Variants in ME1 observed in about 807,000 individuals in gnomAD.
ME1 encodes the protein malic enzyme 1.
In ME1, 74 loss-of-function variants were observed where a neutral mutation model predicts 66.4. The observed-to-expected ratio is 1.11, with a 90% CI of 0.92 to 1.35. The LOEUF is 1.35. ME1 is among the 40% of genes most tolerant of loss of function. ME1 has a pLI of 0.00. For synonymous variants in ME1, 251 were observed against 235.6 expected (o/e 1.07, Z -0.60); for missense variants, 750 against 694.1 (o/e 1.08, Z -0.90).
rs1289180587 is a variant in ME1, at chr6:83,237,393, G to T, written c.1026+324C>A. Among the ~76,000 whole-genome samples, 11 of 128,700 alleles carry T rather than the reference G, an allele frequency of 8.5e-5. 2 individuals are homozygous for T. The highest frequency in any genetic ancestry group is 8.0e-5 in the Non-Finnish European group (5 of 62,326). 84.4% of individuals were successfully genotyped at this position (128,700 alleles called of 152,430 possible). ...AAAGAAAAGGAAGGAAAGGAAGGAA[G>T]GAAGGAAAGAAAGAAAAAGAAAGAA... On this transcript the variant is annotated intron_variant, in intron 9 of 13. Coordinates refer to ENST00000369705, the MANE Select transcript of ME1 (RefSeq NM_002395.6).
chr6:83,235,477 T>TTTC (rs1332000430), intron 9 of ME1, among the ~76,000 whole-genome samples: 1 of 149,628 alleles, frequency 6.7e-6, no homozygotes. Flanking sequence ...GCTATTTTTT[T>TTTC]TTTTTTTTTT....
At chr6:83,399,350 C>T (rs1385099720) in intron 2 of ME1, among the ~76,000 whole-genome samples, 1 of 152,090 alleles carries the variant, frequency 6.6e-6, no homozygotes, top group Non-Finnish European at 1.5e-5. Context: ...TAACTAATAT[C>T]ATGCAAACAT....
chr6:83,345,916 T>G (rs995708239), intron 5 of ME1, among the ~76,000 whole-genome samples: 3 of 152,208 alleles, frequency 2.0e-5, no homozygotes, highest in Admixed American at 1.3e-4. Flanking sequence ...ATATATTCTA[T>G]AGAATAATGG....
intron 2 of ME1, among the ~76,000 whole-genome samples, chr6:83,404,983 T>C (rs992619612): frequency 7.0e-4 from 106 of 152,318 alleles, no homozygotes; most frequent in African/African-American, 2.5e-3. Context: ...TTTTCTTGGC[T>C]ATGCAGGCTC....
chr6:83,319,482 G>A (rs1324424305), intron 5 of ME1, among the ~76,000 whole-genome samples: 2 of 152,014 alleles, frequency 1.3e-5, no homozygotes, highest in East Asian at 1.9e-4. Context: ...TAACAGAGAA[G>A]GCCTAAAGAG....
At chr6:83,266,375 A>T (rs1198101795) in intron 6 of ME1, among the ~76,000 whole-genome samples, 24 of 152,242 alleles carry the variant, frequency 1.6e-4, no homozygotes. Flanking sequence ...AATGTAAAGT[A>T]CAAATCTAGC....
At chr6:83,253,772 T>C in intron 6 of ME1, 34 bp from the exon 7 acceptor site, 1 of 1,045,880 alleles carries the variant, frequency 9.6e-7, no homozygotes. Flanking sequence ...TAGAAGAGGT[T>C]AATAAAATGC....
intron 3 of ME1, among the ~76,000 whole-genome samples, chr6:83,373,187 A>G (rs1048769019): frequency 2.0e-5 from 3 of 152,158 alleles, no homozygotes; most frequent in African/African-American, 7.2e-5. Flanking sequence ...ATCTTTGTCC[A>G]AAGGCCAAAT....
intron 3 of ME1, among the ~76,000 whole-genome samples, chr6:83,370,053 A>G (rs1181878922): frequency 1.3e-5 from 2 of 152,202 alleles, no homozygotes; most frequent in Non-Finnish European, 2.9e-5. Flanking sequence ...CAAAGAGTTT[A>G]AGAATCTACA....
chr6:83,325,705 G>A (rs1042789017), intron 5 of ME1, among the ~76,000 whole-genome samples: 2 of 151,198 alleles, frequency 1.3e-5, no homozygotes, highest in South Asian at 2.1e-4. Context: ...ACTGCTCGAG[G>A]AAATAAGAGA....
chr6:83,218,596 T>G (rs1362186334), intron 12 of ME1, among the ~76,000 whole-genome samples: 1 of 152,174 alleles, frequency 6.6e-6, no homozygotes, highest in Admixed American at 6.5e-5. Flanking sequence ...CCTGGGGACC[T>G]GAAGAAGTGT....
chr6:83,350,071 T>C (rs892024050), intron 4 of ME1, among the ~76,000 whole-genome samples: 4 of 152,160 alleles, frequency 2.6e-5, no homozygotes, highest in African/African-American at 4.8e-5. Context: ...ATACCACACA[T>C]TTTGATTATA....
intron 3 of ME1, among the ~76,000 whole-genome samples, chr6:83,378,326 G>GA (rs1219894170): frequency 6.6e-6 from 1 of 151,570 alleles, no homozygotes; most frequent in Non-Finnish European, 1.5e-5. Context: ...AGAGAAAGAA[G>GA]AAAAAAAGGC....
intron 5 of ME1, among the ~76,000 whole-genome samples, chr6:83,315,771 T>A: frequency 6.6e-6 from 1 of 152,078 alleles, no homozygotes; most frequent in African/African-American, 2.4e-5. Context: ...GTGGTGTGCA[T>A]CTGTAGTCCC....
intron 3 of ME1, among the ~76,000 whole-genome samples, chr6:83,378,628 C>G (rs552731428): frequency 6.6e-6 from 1 of 151,252 alleles, no homozygotes; most frequent in South Asian, 2.1e-4. Flanking sequence ...TTATATTTGT[C>G]CATTGATTGG....
chr6:83,264,745 T>C (rs1766957925), intron 6 of ME1, among the ~76,000 whole-genome samples: 1 of 152,172 alleles, frequency 6.6e-6, no homozygotes. Context: ...GCAATCTCAT[T>C]ATAAAACCTG....
intron 3 of ME1, among the ~76,000 whole-genome samples, chr6:83,363,364 A>C (rs1769041557): frequency 6.6e-6 from 1 of 152,210 alleles, no homozygotes; most frequent in Non-Finnish European, 1.5e-5. Context: ...TGCTGGGATG[A>C]TTGACCTGGA....
At chr6:83,239,398 T>C in intron 8 of ME1, 141 bp downstream of exon 8, 2 of 526,552 alleles carry the variant, frequency 3.8e-6, no homozygotes, top group Non-Finnish European at 6.8e-6. Flanking sequence ...GTCTCAGTAC[T>C]TAATTTGGGA....
chr6:83,352,188 C>T (rs1768816194), intron 3 of ME1, 49 bp from the exon 4 acceptor site: 2 of 1,211,620 alleles, frequency 1.7e-6, no homozygotes, highest in Non-Finnish European at 2.2e-6. Flanking sequence ...TACTTCAGGC[C>T]TGTCAAACTA....
Sources: allele counts gnomAD v4.1 joint callset (sites outside exome capture counted in the v4.1 genomes callset), GRCh38; gene constraint gnomAD v4.1.1; transcripts MANE v1.5; gene names NCBI Gene and HGNC (gene_info 2026-07-23, HGNC 2026-07-21).